FAAH2: variants seen among roughly 807,000 people sequenced by gnomAD.
FAAH2 encodes the protein fatty acid amide hydrolase 2.
FAAH2 carries 60 observed loss-of-function variants against 36.9 expected under a neutral mutation model. The ratio of observed to expected loss-of-function variants is 1.63; its 90% confidence interval spans 1.32 to 2.02. FAAH2 has a LOEUF of 2.02. Ranked by LOEUF, FAAH2 falls within the 30% of genes most tolerant of loss-of-function variation. FAAH2 has a pLI of 0.00. For synonymous variants in FAAH2, 214 were observed against 143.8 expected (o/e 1.49, Z -3.49); for missense variants, 689 against 397.5 (o/e 1.73, Z -6.23).
chrX:57,268,814 A>G, the FAAH2 span, among the ~76,000 whole-genome samples: 1 of 112,280 alleles, frequency 8.9e-6, no homozygotes, highest in East Asian at 2.8e-4. Context: ...CAGTGACATT[A>G]TAAAGCAACC....
chrX:57,231,068 A>AGT, the FAAH2 span, among the ~76,000 whole-genome samples: 4 of 63,987 alleles, frequency 6.3e-5, no homozygotes, highest in South Asian at 1.4e-3. Context: ...TGTGTGTGTG[A>AGT]GTGTGTGTGT....
intron 10 of FAAH2, among the ~76,000 whole-genome samples, chrX:57,450,158 T>G (rs2056758317): frequency 9.0e-6 from 1 of 110,916 alleles, no homozygotes; most frequent in Admixed American, 9.8e-5. Flanking sequence ...TTGTAACTTT[T>G]CCCTCTAGTT....
the FAAH2 span, among the ~76,000 whole-genome samples, chrX:57,271,718 A>G: frequency 1.8e-5 from 2 of 111,510 alleles, no homozygotes; most frequent in Non-Finnish European, 3.8e-5. Context: ...GGAATAGCAC[A>G]TCCACTCAAA....
At chrX:57,269,920 G>A in the FAAH2 span, among the ~76,000 whole-genome samples, 15 of 110,096 alleles carry the variant, frequency 1.4e-4, no homozygotes, top group South Asian at 3.8e-4. Flanking sequence ...CATTCAAAAG[G>A]TCAACAAATC....
At chrX:57,389,327 T>G (rs1295744578) in intron 7 of FAAH2, among the ~76,000 whole-genome samples, 1 of 103,740 alleles carries the variant, frequency 9.6e-6, no homozygotes, top group Non-Finnish European at 2.0e-5. Context: ...ATATAATGAC[T>G]AATACAAATG....
the FAAH2 span, among the ~76,000 whole-genome samples, chrX:57,160,307 TTG>T: frequency 9.0e-6 from 1 of 110,855 alleles, no homozygotes; most frequent in Non-Finnish European, 1.9e-5. Context: ...ATCTTTTTTG[TTG>T]TTGTATCTCT....
intron 7 of FAAH2, among the ~76,000 whole-genome samples, chrX:57,383,484 A>G (rs2054916069): frequency 1.8e-5 from 2 of 112,326 alleles, no homozygotes; most frequent in Admixed American, 1.9e-4. Context: ...AAGACTCAGG[A>G]TACAAAATCA....
At chrX:57,154,155 CCTT>C in the FAAH2 span, among the ~76,000 whole-genome samples, 37 of 110,717 alleles carry the variant, frequency 3.3e-4, 1 homozygote, top group Admixed American at 3.2e-3. Flanking sequence ...ATTGCTGACA[CCTT>C]CTAGTACATT....
At chrX:57,476,728 A>C (rs1346616255) in intron 10 of FAAH2, among the ~76,000 whole-genome samples, 1 of 111,317 alleles carries the variant, frequency 9.0e-6, no homozygotes, top group African/African-American at 3.3e-5. Flanking sequence ...AGGCCTTCTT[A>C]TTCTATTGTT....
chrX:57,149,658 A>G, the FAAH2 span, among the ~76,000 whole-genome samples: 5 of 109,604 alleles, frequency 4.6e-5, no homozygotes, highest in Non-Finnish European at 9.5e-5. Flanking sequence ...TTTCTTCTTT[A>G]CTAGTCTTGC....
intron 7 of FAAH2, among the ~76,000 whole-genome samples, chrX:57,418,850 C>T (rs1320706489): frequency 1.9e-5 from 2 of 104,899 alleles, no homozygotes; most frequent in African/African-American, 3.5e-5. Flanking sequence ...AGGTATATCT[C>T]CTAATGCTAT....
intron 2 of FAAH2, among the ~76,000 whole-genome samples, chrX:57,309,497 G>A (rs1215000835): frequency 9.0e-6 from 1 of 111,571 alleles, no homozygotes; most frequent in African/African-American, 3.3e-5. Flanking sequence ...TACATATGCA[G>A]GATGTGCAGG....
At chrX:57,172,069 G>A in the FAAH2 span, among the ~76,000 whole-genome samples, 3 of 110,879 alleles carry the variant, frequency 2.7e-5, no homozygotes, top group African/African-American at 9.8e-5. Context: ...GTAAGTATTT[G>A]GCTTTATTTA....
chrX:57,378,810 C>A, intron 6 of FAAH2, 24 bp downstream of exon 6: 1 of 1,181,759 alleles, frequency 8.5e-7, no homozygotes. Context: ...TTTTTATTTC[C>A]TTGGACTCTT....
intron 10 of FAAH2, among the ~76,000 whole-genome samples, chrX:57,471,223 A>G (rs2057159034): frequency 8.9e-6 from 1 of 111,830 alleles, no homozygotes; most frequent in African/African-American, 3.3e-5. Context: ...CCTATTCAAC[A>G]TAGTGTTGGA....
intron 10 of FAAH2, among the ~76,000 whole-genome samples, chrX:57,456,073 A>G (rs1436700728): frequency 8.9e-6 from 1 of 111,878 alleles, no homozygotes; most frequent in African/African-American, 3.2e-5. Flanking sequence ...ATCACAATAA[A>G]TTCAAAGAAA....
chrX:57,269,200 C>T, the FAAH2 span, among the ~76,000 whole-genome samples: 2 of 111,524 alleles, frequency 1.8e-5, no homozygotes, highest in Admixed American at 1.9e-4. Flanking sequence ...ATGCACCCAA[C>T]ACAGGAGCAT....
intron 2 of FAAH2, among the ~76,000 whole-genome samples, chrX:57,294,205 C>A (rs928657609): frequency 8.9e-6 from 1 of 112,167 alleles, no homozygotes; most frequent in African/African-American, 3.2e-5. Flanking sequence ...ATAAATGGAG[C>A]TGTCCTTATG....
intron 9 of FAAH2, among the ~76,000 whole-genome samples, chrX:57,447,862 C>T (rs2056710927): frequency 8.9e-6 from 1 of 112,241 alleles, no homozygotes; most frequent in South Asian, 3.7e-4. Flanking sequence ...ACATTTTCTC[C>T]ATTGTCTTGG....
Sources: gnomAD v4.1 joint callset for allele counts (sites outside exome capture counted in the v4.1 genomes callset) on GRCh38, gnomAD v4.1.1 for gene constraint, MANE v1.5 for transcripts, NCBI Gene and HGNC (gene_info 2026-07-23, HGNC 2026-07-21) for gene names.